ITGAL: variants seen among roughly 807,000 people sequenced by gnomAD.
ITGAL encodes integrin subunit alpha L, also known as integrin alpha-L.
ITGAL carries 68 observed loss-of-function variants against 138.4 expected under a neutral mutation model. That is an observed-to-expected ratio of 0.49 (90% CI 0.40 to 0.60). The LOEUF is 0.60. Ranked by LOEUF, ITGAL falls within the 20% of genes least tolerant of loss-of-function variation. The pLI is 0.00. For missense variants in ITGAL, 1,256 were observed against 1,478.6 expected (o/e 0.85, Z 2.47); for synonymous variants, 561 against 584.3 (o/e 0.96, Z 0.57).
chr16:30,494,701 C>A lies in ITGAL; in HGVS notation c.1366-12C>A. 1 of 1,596,970 alleles carries A rather than the reference C, an allele frequency of 6.3e-7. No homozygotes were observed. Among genetic ancestry groups the A allele is most frequent in the Non-Finnish European group, 8.5e-7 (1 of 1,169,692 alleles). Reference sequence around the variant, plus strand: ...CACAGGCGCTTCCCCAAACACCTGCCTCTCCCCACAGATTGGCTCTTATTT... The same window carrying A: ...CACAGGCGCTTCCCCAAACACCTGCATCTCCCCACAGATTGGCTCTTATTT... On this transcript the variant is annotated splice_polypyrimidine_tract_variant and intron_variant, in intron 12 of 30. Coordinates refer to ENST00000356798, the MANE Select transcript of ITGAL (RefSeq NM_002209.3). The surrounding 1 kb of genome is among the most constrained non-coding windows in gnomAD (Gnocchi z 4.2).
At chr16:30,515,741 G>A (rs1226270605) in intron 25 of ITGAL, among the ~76,000 whole-genome samples, 1 of 152,144 alleles carries the variant, frequency 6.6e-6, no homozygotes, top group Non-Finnish European at 1.5e-5. Context: ...GGAGGCCCAG[G>A]TGGGCAGATC....
At chr16:30,483,200 T>C (rs1375318979) in intron 7 of ITGAL, 1 of 152,256 alleles carries the variant, frequency 6.6e-6, no homozygotes. Flanking sequence ...ACACTAGTTC[T>C]CCCTCCTTCA....
chr16:30,492,780 G>A (rs764348708), intron 11 of ITGAL, among the ~76,000 whole-genome samples: 16 of 150,318 alleles, frequency 1.1e-4, no homozygotes, highest in Admixed American at 2.0e-4. Flanking sequence ...TCCTGACCTC[G>A]TGATCCGCCT....
rs374487932 is a variant in ITGAL, at chr16:30,496,299, C to T, written c.1701+5C>T. 1.0e-5 allele frequency: 16 copies of T among 1,599,590 alleles called. No individual in the cohort carries two copies. The highest frequency in any genetic ancestry group is 2.2e-5 in the South Asian group (2 of 88,978). On this transcript the variant is annotated splice_donor_5th_base_variant and intron_variant, in intron 14 of 30. Transcript: ENST00000356798. The stretch of plus-strand genomic sequence containing the variant: ...CTTAGTCCCCAGCCAAGTCAGGTGA[C>T]GTATGCTGCCTGCCAATCACACTCC...
intron 17 of ITGAL, 103 bp from the exon 18 acceptor site, chr16:30,504,072 A>G: frequency 1.1e-6 from 1 of 896,924 alleles, no homozygotes; most frequent in Non-Finnish European, 1.8e-6. Flanking sequence ...ACAAAGAACT[A>G]CCAGAATTTC....
rs780417798 is a variant in ITGAL, at chr16:30,519,922, C to T, written c.3294C>T (p.Ile1098=). The T allele has an allele frequency of 5.1e-5, 83 of 1,613,794 alleles. No individual in the cohort carries two copies. Among genetic ancestry groups the T allele is most frequent in the Non-Finnish European group, 6.4e-5 (76 of 1,179,982 alleles). Residue 1098 remains isoleucine, a synonymous_variant, in exon 30 of 31, where the codon ATC becomes ATT. Transcript: ENST00000356798. ...TCTACCTCTACGTGCTGAGCGGCAT[C>T]GGGGGGCTGCTGCTGCTGCTGCTCA... ...QMLYLYVLSG[I]GGLLLLLLIF...
rs1318235946 is a variant in ITGAL, at chr16:30,521,643, A to G, written c.3491A>G (p.Glu1164Gly). 5.6e-6 allele frequency: 9 copies of G among 1,613,986 alleles called. No individual in the cohort carries two copies. In the East Asian group the frequency reaches 2.0e-4, roughly 36 times the overall value. Residue 1164 changes from glutamate (E) to glycine (G), a missense_variant, in exon 31 of 31, where the codon GAG becomes GGG. This residue lies in a region of ITGAL where 867 missense variants were observed against 972.5 expected (regional missense o/e 0.89). Transcript: ENST00000356798. ...AAGCCCCTCCATGAGAAGGACTCTG[A>G]GAGTGGTGGTGGCAAGGACTGAGTC... The part of the protein sequence containing the change: ...CLKPLHEKDS[E>G]SGGGKD
At chr16:30,474,587 C>A (rs2050441664) in intron 2 of ITGAL, 1 of 380,362 alleles carries the variant, frequency 2.6e-6, no homozygotes, top group East Asian at 5.1e-5. Context: ...TACTCCCCTG[C>A]GAGCGCCTGG....
rs1394840599 is a variant in ITGAL at position 30,481,496 on chromosome 16, G to A, written c.634G>A (p.Val212Ile). 1 of 1,613,194 alleles carries A rather than the reference G, an allele frequency of 6.2e-7. No individual in the cohort carries two copies. Among genetic ancestry groups the A allele is most frequent in the Non-Finnish European group, 8.5e-7 (1 of 1,179,396 alleles). The change falls in exon 7 of 31, where the codon GTT becomes ATT. Residue 212 changes from valine (V) to isoleucine (I), a missense_variant. Physicochemically the swap from Val to Ile is conservative, Grantham distance 29. This residue lies in a region of ITGAL where 177 missense variants were observed against 288.8 expected (regional missense o/e 0.61). Transcript: ENST00000356798. ...AACAGAATTTGATTTCTCAGATTATGTTAAACGGAAGGACCCTGATGCTCT... is the reference window on the plus strand; with the variant it reads ...AACAGAATTTGATTTCTCAGATTATATTAAACGGAAGGACCCTGATGCTCT... ...YKTEFDFSDYVKRKDPDALLK... is the reference protein window; with the variant it reads ...YKTEFDFSDYIKRKDPDALLK...
At chr16:30,507,332 G>A (rs2051017055) in intron 21 of ITGAL, among the ~76,000 whole-genome samples, 1 of 151,968 alleles carries the variant, frequency 6.6e-6, no homozygotes, top group African/African-American at 2.4e-5. Context: ...GGTGGCGGGC[G>A]CCTGTAGTCC....
At chr16:30,487,142 CAAAAAAA>C (rs1165678423) in intron 9 of ITGAL, among the ~76,000 whole-genome samples, 11 of 42,960 alleles carry the variant, frequency 2.6e-4, no homozygotes, top group Non-Finnish European at 3.5e-4. Context: ...GACTCCGTCT[CAAAAAAA>C]AAAAAAAAAA....
chr16:30,493,594 T>C (rs975087837), intron 11 of ITGAL, among the ~76,000 whole-genome samples: 2 of 151,998 alleles, frequency 1.3e-5, no homozygotes, highest in African/African-American at 4.8e-5. Flanking sequence ...TAATTTATTA[T>C]TTAAGAAAAA....
chr16:30,517,765 C>T (rs539562249), intron 27 of ITGAL, 32 bp from the exon 28 acceptor site: 26 of 1,612,874 alleles, frequency 1.6e-5, no homozygotes, highest in Non-Finnish European at 2.1e-5. Context: ...GGAATGAAGC[C>T]GCCCTGACCC....
chr16:30,474,123 G>A, intron 1 of ITGAL, 73 bp from the exon 2 acceptor site: 1 of 1,144,724 alleles, frequency 8.7e-7, no homozygotes. Context: ...GTGGGCCTGG[G>A]ATCGGCCACC....
At position 30,499,811 on chromosome 16, in the gene ITGAL, C is replaced by T. The variant is rs938795830; in HGVS notation, c.2145+322C>T. The stretch of plus-strand genomic sequence containing the variant: ...TGGCACGGTCTCACTTACTACAGCA[C>T]GATCTCGGCTCATGGCCACCTCCAC... On this transcript the variant is annotated intron_variant, in intron 17 of 30. Transcript: ENST00000356798. 2.8e-4 allele frequency among the ~76,000 whole-genome samples: 41 copies of T among 145,660 alleles called. 1 individual carries two copies. Among genetic ancestry groups the T allele is most frequent in the Non-Finnish European group, 1.8e-4 (12 of 66,872 alleles).
chr16:30,499,504 G>A lies in ITGAL; in HGVS notation c.2145+15G>A, dbSNP rs558555996. ...TTCATTTCCCGGTAAGGGAGCCAGC[G>A]CCAATGCTCTGGGATGAGCTACCTG... On this transcript the variant is annotated intron_variant, in intron 17 of 30. Coordinates refer to ENST00000356798, the MANE Select transcript of ITGAL (RefSeq NM_002209.3). 56 of 1,612,318 alleles carry A rather than the reference G, an allele frequency of 3.5e-5. 1 individual carries two copies. Among genetic ancestry groups the A allele is most frequent in the Admixed American group, 2.2e-4 (13 of 59,888 alleles).
At chr16:30,513,687 C>A in intron 24 of ITGAL, 84 bp from the exon 25 acceptor site, 1 of 972,310 alleles carries the variant, frequency 1.0e-6, no homozygotes, top group South Asian at 1.3e-5. Context: ...CCGTTCCTAG[C>A]ACAGTGGCTG....
At chr16:30,482,722 G>T (rs1478096798) in intron 7 of ITGAL, among the ~76,000 whole-genome samples, 1 of 152,150 alleles carries the variant, frequency 6.6e-6, no homozygotes, top group African/African-American at 2.4e-5. Flanking sequence ...GGTCTTGACA[G>T]CAGGTGTTCA....
intron 9 of ITGAL, among the ~76,000 whole-genome samples, chr16:30,487,757 G>A (rs1366288562): frequency 1.3e-5 from 2 of 150,082 alleles, no homozygotes; most frequent in East Asian, 4.0e-4. Flanking sequence ...CCAGGCTGGA[G>A]AGCAGTGGTG....
Sources: allele counts gnomAD v4.1 joint callset (sites outside exome capture counted in the v4.1 genomes callset), GRCh38; gene constraint gnomAD v4.1.1; regional missense constraint gnomAD v4.1.1; non-coding constraint Gnocchi (gnomAD v3.1); transcripts MANE v1.5; gene names NCBI Gene and HGNC (gene_info 2026-07-23, HGNC 2026-07-21).